FANCA: variants seen among roughly 807,000 people sequenced by gnomAD.
FANCA encodes the protein Fanconi anemia group A protein.
In FANCA, 236 loss-of-function variants were observed where a neutral mutation model predicts 194.3. The ratio of observed to expected loss-of-function variants is 1.21; its 90% confidence interval spans 1.09 to 1.35. The LOEUF is 1.35. Ranked by LOEUF, FANCA falls within the 40% of genes most tolerant of loss-of-function variation. The probability of loss-of-function intolerance (pLI) is 0.00; values close to 1 mark genes in which losing one functional copy is unlikely to be tolerated. For missense variants in FANCA, 2,628 were observed against 1,813.9 expected, an observed-to-expected ratio of 1.45 and a Z score of -8.15; for synonymous variants, 1,014 against 715.8, an observed-to-expected ratio of 1.42 and a Z score of -6.65.
chr16:89,753,160 T>G (rs1392505375), intron 30 of FANCA, among the ~76,000 whole-genome samples: 1 of 152,194 alleles, frequency 6.6e-6, no homozygotes, highest in Non-Finnish European at 1.5e-5. Context: ...CTCCTCTCCC[T>G]CTCTGCCTCA....
intron 26 of FANCA, 122 bp from the exon 27 acceptor site, chr16:89,767,359 G>A (rs1232634007): frequency 6.6e-6 from 5 of 760,642 alleles, no homozygotes; most frequent in South Asian, 1.5e-5. Flanking sequence ...CCTGAGCATT[G>A]GTCCTTCGTT....
chr16:89,796,780 TG>T lies in FANCA; in HGVS notation c.894-763del, dbSNP rs2040261978. On this transcript the variant is annotated intron_variant, in intron 10 of 42. Coordinates refer to ENST00000389301, the MANE Select transcript of FANCA (RefSeq NM_000135.4). ...GCTCATGCCTGTAATCCCAGCACTC[TG>T]GGAGGCTGAGGCGGGCAGATCACAA... Among the ~76,000 whole-genome samples, 3 of 152,190 alleles carry T rather than the reference TG, an allele frequency of 2.0e-5. No homozygotes were observed. The South Asian group carries it at 6.2e-4, about 32-fold the overall frequency.
At chr16:89,798,170 T>A (rs1481519841) in intron 10 of FANCA, among the ~76,000 whole-genome samples, 1 of 152,098 alleles carries the variant, frequency 6.6e-6, no homozygotes, top group East Asian at 1.9e-4. Context: ...CTCTACCTCA[T>A]GAAGACACAG....
intron 37 of FANCA, 30 bp from the exon 38 acceptor site, chr16:89,740,896 C>T (rs764427841): frequency 7.0e-6 from 11 of 1,572,352 alleles, no homozygotes; most frequent in Non-Finnish European, 9.6e-6. Context: ...CTTATTATTA[C>T]ATTAAAATTA....
intron 38 of FANCA, 154 bp downstream of exon 38, chr16:89,740,650 A>C (rs959491400): frequency 4.6e-6 from 3 of 652,242 alleles, no homozygotes; most frequent in Non-Finnish European, 8.2e-6. Context: ...AAAAAAAAAA[A>C]AAAACCCACG....
chr16:89,789,798 A>T (rs1318901091), intron 14 of FANCA, among the ~76,000 whole-genome samples: 1 of 152,134 alleles, frequency 6.6e-6, no homozygotes, highest in Non-Finnish European at 1.5e-5. Context: ...CACAAGCACT[A>T]AAAGAGAAAC....
intron 8 of FANCA, among the ~76,000 whole-genome samples, chr16:89,802,956 G>T (rs112598302): frequency 3.3e-5 from 5 of 152,276 alleles, no homozygotes; most frequent in African/African-American, 9.6e-5. Flanking sequence ...CTAGACAGAA[G>T]AAGTAAGTTC....
At chr16:89,780,319 G>C (rs998679285) in intron 17 of FANCA, among the ~76,000 whole-genome samples, 2 of 152,132 alleles carry the variant, frequency 1.3e-5, no homozygotes, top group African/African-American at 4.8e-5. Context: ...CTTAATTTTT[G>C]AGATTAAAAG....
At chr16:89,815,761 G>T in intron 2 of FANCA, 116 bp downstream of exon 2, 1 of 854,306 alleles carries the variant, frequency 1.2e-6, no homozygotes, top group Non-Finnish European at 2.0e-6. Flanking sequence ...TCCCCTCTGC[G>T]GGCCAGGCCA....
At chr16:89,802,401 C>T (rs1337717110) in intron 8 of FANCA, among the ~76,000 whole-genome samples, 1 of 151,646 alleles carries the variant, frequency 6.6e-6, no homozygotes, top group East Asian at 1.9e-4. Flanking sequence ...TGAGCCCAAC[C>T]TCAGCTATTT....
chr16:89,813,562 A>T (rs759163553), intron 3 of FANCA, among the ~76,000 whole-genome samples: 2 of 151,978 alleles, frequency 1.3e-5, no homozygotes, highest in Non-Finnish European at 2.9e-5. Context: ...CCTCCTGAAT[A>T]GCTGGGACTA....
rs1304756515 is a variant in FANCA, at chr16:89,784,901, T to G, written c.1423A>C (p.Thr475Pro). ...CSKKALVFLFTFLSELVPFES... is the reference protein window; with the variant it reads ...CSKKALVFLFPFLSELVPFES... ...AAAGGCACGAGTTCTGACAAGAACG[T>G]AAACAGGAAGACCAGGGCCTTCTTG... Residue 475 changes from threonine to proline, a missense_variant, in exon 15 of 43, where the codon ACG becomes CCG. Transcript: ENST00000389301. 1 of 1,614,212 alleles carries G rather than the reference T, an allele frequency of 6.2e-7. No homozygotes were observed. Among genetic ancestry groups the G allele is most frequent in the Non-Finnish European group, 8.5e-7 (1 of 1,180,024 alleles).
intron 38 of FANCA, chr16:89,740,531 G>C (rs1311193442): frequency 1.2e-5 from 6 of 512,642 alleles, no homozygotes; most frequent in African/African-American, 1.2e-4. Flanking sequence ...AGCTACTCGG[G>C]AGGCTGATGC....
intron 36 of FANCA, among the ~76,000 whole-genome samples, chr16:89,743,220 C>G (rs1410237933): frequency 6.6e-6 from 1 of 152,156 alleles, no homozygotes; most frequent in Non-Finnish European, 1.5e-5. Flanking sequence ...GCTCTTGGGC[C>G]CCAGCTGCCT....
intron 21 of FANCA, among the ~76,000 whole-genome samples, chr16:89,774,729 C>CAAAAAAAAAAAAA (rs780078944): frequency 0.057 from 1,254 of 22,192 alleles, 375 homozygotes; most frequent in Middle Eastern, 0.2. Context: ...GACTCTGTCT[C>CAAAAAAAAAAAAA]AAAAAAAAAA....
intron 26 of FANCA, among the ~76,000 whole-genome samples, chr16:89,768,189 G>C (rs995815353): frequency 6.6e-6 from 1 of 152,138 alleles, no homozygotes; most frequent in Admixed American, 6.5e-5. Context: ...GAGGTGGGAA[G>C]ATCACTTCAG....
rs377197660 is a variant in FANCA, at chr16:89,758,525, T to C, written c.2981+52A>G. 5.0e-6 allele frequency: 8 copies of C among 1,599,910 alleles called. No individual in the cohort carries two copies. The African/African-American group carries it at 9.4e-5, about 19-fold the overall frequency. On this transcript the variant is annotated intron_variant, in intron 30 of 42. Transcript: ENST00000389301. ...GGCCAGAAACTCCCCTTTATATATA[T>C]CCTATTAGTCCTGTCCCTCCAGAGA...
chr16:89,758,527 C>T (rs1462035127), intron 30 of FANCA, 50 bp downstream of exon 30: 1 of 1,601,074 alleles, frequency 6.2e-7, no homozygotes, highest in South Asian at 1.1e-5. Flanking sequence ...TATATATATC[C>T]TATTAGTCCT....
rs1191202645 is a variant in FANCA, at chr16:89,744,948, C to T, written c.3626+11G>A. The stretch of plus-strand genomic sequence containing the variant: ...TGGGCGGGCACACCCCATCTCACCA[C>T]CCACACGTACTCGCTGGCAAACTGC... On this transcript the variant is annotated intron_variant, in intron 36 of 42. Transcript: ENST00000389301. 1 of 1,610,850 alleles carries T rather than the reference C, an allele frequency of 6.2e-7. No homozygotes were observed. The highest frequency in any genetic ancestry group is 8.5e-7 in the Non-Finnish European group (1 of 1,179,330).
Sources: allele counts gnomAD v4.1 joint callset (sites outside exome capture counted in the v4.1 genomes callset), GRCh38; gene constraint gnomAD v4.1.1; transcripts MANE v1.5; gene names NCBI Gene and HGNC (gene_info 2026-07-23, HGNC 2026-07-21).